Variants in VSNL1 observed in about 807,000 individuals in gnomAD.
VSNL1 encodes the protein visinin like 1, also known as visinin-like protein 1.
VSNL1 carries 6 observed loss-of-function variants against 20.4 expected under a neutral mutation model. That is an observed-to-expected ratio of 0.29 (90% CI 0.16 to 0.58). The LOEUF (loss-of-function observed/expected upper bound fraction) is 0.58. Ranked by LOEUF, VSNL1 falls within the 20% of genes least tolerant of loss-of-function variation. The pLI, the probability that VSNL1 is intolerant of heterozygous loss-of-function variation, is 0.90. For missense variants in VSNL1, 100 were observed against 234.5 expected (o/e 0.43, Z 3.75); for synonymous variants, 93 against 86.4 (o/e 1.08, Z -0.42).
chr2:17,643,160 C>T (rs758451119), intron 2 of VSNL1, among the ~76,000 whole-genome samples: 11 of 152,234 alleles, frequency 7.2e-5, no homozygotes, highest in Non-Finnish European at 1.3e-4. Context: ...TGCCTCTCCT[C>T]ACTCTCCCTC....
intron 2 of VSNL1, among the ~76,000 whole-genome samples, chr2:17,631,474 G>T (rs1665627020): frequency 6.6e-6 from 1 of 152,304 alleles, no homozygotes; most frequent in Admixed American, 6.5e-5. Context: ...TGTAAAGGGT[G>T]CATCACACAT....
intron 2 of VSNL1, among the ~76,000 whole-genome samples, chr2:17,642,709 C>T (rs1325272261): frequency 6.6e-6 from 1 of 152,206 alleles, no homozygotes; most frequent in African/African-American, 2.4e-5. Context: ...TCTGGGAGTT[C>T]ATGACCTTTC....
At chr2:17,577,248 T>C (rs767027843) in intron 1 of VSNL1, among the ~76,000 whole-genome samples, 2 of 152,256 alleles carry the variant, frequency 1.3e-5, no homozygotes, top group Non-Finnish European at 2.9e-5. Context: ...TACATAGCTA[T>C]TAACCTTTTG....
intron 3 of VSNL1, among the ~76,000 whole-genome samples, chr2:17,653,992 A>G (rs2555102): frequency 0.36 from 54,022 of 152,094 alleles, 10,512 homozygotes; most frequent in African/African-American, 0.48. Context: ...GTGGCCTTAC[A>G]TGTCTGGCTT....
intron 2 of VSNL1, among the ~76,000 whole-genome samples, chr2:17,641,793 G>A (rs1186753696): frequency 2.6e-5 from 4 of 152,158 alleles, no homozygotes; most frequent in African/African-American, 9.7e-5. Context: ...TATAGACATA[G>A]ACTTATGCAT....
chr2:17,570,065 A>G (rs1421180835), intron 1 of VSNL1, among the ~76,000 whole-genome samples: 1 of 152,216 alleles, frequency 6.6e-6, no homozygotes, highest in Non-Finnish European at 1.5e-5. Context: ...ACATTTTGAA[A>G]TCTTGCAAAT....
intron 3 of VSNL1, among the ~76,000 whole-genome samples, chr2:17,653,215 C>T (rs190235444): frequency 6.6e-6 from 1 of 152,138 alleles, no homozygotes; most frequent in Non-Finnish European, 1.5e-5. Flanking sequence ...GTTCACAGTC[C>T]CAATTGTAGG....
intron 1 of VSNL1, among the ~76,000 whole-genome samples, chr2:17,564,911 G>T (rs940118746): frequency 2.0e-5 from 3 of 152,154 alleles, no homozygotes; most frequent in African/African-American, 7.2e-5. Context: ...CAATTTAGTT[G>T]AATTTCTATA....
intron 2 of VSNL1, among the ~76,000 whole-genome samples, chr2:17,627,300 A>G (rs1166899201): frequency 6.6e-6 from 1 of 152,220 alleles, no homozygotes; most frequent in African/African-American, 2.4e-5. Context: ...GTTTTCAGGT[A>G]CACAAAGATA....
At chr2:17,638,094 T>TG (rs1261996622) in intron 2 of VSNL1, among the ~76,000 whole-genome samples, 1 of 152,292 alleles carries the variant, frequency 6.6e-6, no homozygotes. Flanking sequence ...GTTGCCCTCT[T>TG]GGGGGTCTGT....
chr2:17,615,451 A>G (rs893206672), intron 2 of VSNL1, among the ~76,000 whole-genome samples: 6 of 152,252 alleles, frequency 3.9e-5, no homozygotes, highest in African/African-American at 1.2e-4. Context: ...ATCACTATTC[A>G]TGTAAAACTA....
chr2:17,569,556 T>G (rs975680967), intron 1 of VSNL1, among the ~76,000 whole-genome samples: 1 of 152,070 alleles, frequency 6.6e-6, no homozygotes, highest in Non-Finnish European at 1.5e-5. Context: ...AGCTTCTCAT[T>G]CTAGCTTCAT....
intron 2 of VSNL1, among the ~76,000 whole-genome samples, chr2:17,633,906 G>A (rs1665693444): frequency 6.6e-6 from 1 of 152,154 alleles, no homozygotes; most frequent in African/African-American, 2.4e-5. Flanking sequence ...ACTAACAGGA[G>A]CTAGCAAGAA....
intron 1 of VSNL1, among the ~76,000 whole-genome samples, chr2:17,552,726 T>C (rs1663574792): frequency 6.6e-6 from 1 of 151,926 alleles, no homozygotes; most frequent in Non-Finnish European, 1.5e-5. Flanking sequence ...CTCCTAAGTA[T>C]TTTTTTTAAT....
chr2:17,569,928 C>T (rs1338837192), intron 1 of VSNL1, among the ~76,000 whole-genome samples: 1 of 152,230 alleles, frequency 6.6e-6, no homozygotes, highest in Non-Finnish European at 1.5e-5. Context: ...ATAGTACAAA[C>T]TCAGACTATA....
rs574757894 is a variant in VSNL1 at position 17,649,178 on chromosome 2, T to A, written c.163-232T>A. On this transcript the variant is annotated intron_variant, in intron 2 of 3. Coordinates refer to ENST00000295156, the MANE Select transcript of VSNL1 (RefSeq NM_003385.5). The surrounding 1 kb of genome is among the most constrained non-coding windows in gnomAD (Gnocchi z 6.4). ...CAAGCCCCATCAACTGAAAGCCACA[T>A]GTCACCAGCCTCACCCACAGGAAAC... 3.3e-5 allele frequency among the ~76,000 whole-genome samples: 5 copies of A among 152,118 alleles called. No individual in the cohort carries two copies. The highest frequency in any genetic ancestry group is 3.3e-4 in the Admixed American group (5 of 15,276).
chr2:17,574,331 C>T (rs188948081), intron 1 of VSNL1, among the ~76,000 whole-genome samples: 58 of 152,296 alleles, frequency 3.8e-4, no homozygotes, highest in Non-Finnish European at 6.5e-4. Context: ...CCTATCATCA[C>T]ATGAAACACT....
intron 2 of VSNL1, among the ~76,000 whole-genome samples, chr2:17,597,244 C>T (rs1017728429): frequency 2.0e-5 from 3 of 152,204 alleles, no homozygotes; most frequent in South Asian, 2.1e-4. Flanking sequence ...CCCCAGCTCC[C>T]GCTGCCAGAT....
chr2:17,634,592 C>T lies in VSNL1; in HGVS notation c.163-14818C>T, dbSNP rs1288796803. Among the ~76,000 whole-genome samples, 2 of 152,192 alleles carry T rather than the reference C, an allele frequency of 1.3e-5. No individual in the cohort carries two copies. Among genetic ancestry groups the T allele is most frequent in the Non-Finnish European group, 2.9e-5 (2 of 68,044 alleles). On this transcript the variant is annotated intron_variant, in intron 2 of 3. Coordinates refer to ENST00000295156, the MANE Select transcript of VSNL1 (RefSeq NM_003385.5). This position sits in a 1 kb window ranked among gnomAD's most constrained non-coding sequence, Gnocchi z 4.3. ...GAGGCTGAGGCAAAGCTTAGCTGTG[C>T]CCCTTCCCGTCCCCTGACACCCTCA...
Sources: gnomAD v4.1 joint callset for allele counts (sites outside exome capture counted in the v4.1 genomes callset) on GRCh38, gnomAD v4.1.1 for gene constraint, Gnocchi (gnomAD v3.1) non-coding constraint, MANE v1.5 for transcripts, NCBI Gene and HGNC (gene_info 2026-07-23, HGNC 2026-07-21) for gene names.